PDIA4: variants seen among roughly 807,000 people sequenced by gnomAD.
The protein encoded by PDIA4 is protein disulfide isomerase family A member 4.
PDIA4 carries 33 observed loss-of-function variants against 62.1 expected under a neutral mutation model. That is an observed-to-expected ratio of 0.53 (90% CI 0.40 to 0.71). PDIA4 has a LOEUF of 0.71. Among genes scored for constraint, PDIA4 ranks in the 30% least tolerant of loss-of-function variants. The pLI is 0.00. For synonymous variants in PDIA4, 341 were observed against 324.1 expected, an observed-to-expected ratio of 1.05 and a Z score of -0.56; for missense variants, 804 against 813.6, an observed-to-expected ratio of 0.99 and a Z score of 0.14.
At chr7:149,006,302 G>T (rs1409996829) in intron 7 of PDIA4, 3 of 438,124 alleles carry the variant, frequency 6.8e-6, no homozygotes, top group African/African-American at 4.2e-5. Flanking sequence ...CCTTTCCTTG[G>T]GGGTGTAGGC....
Position 149,022,922 on chromosome 7 carries a change from C to A in PDIA4, c.89-1775G>T, listed in dbSNP as rs533658913. The stretch of plus-strand genomic sequence containing the variant: ...CTAGTCACCCGCACTCAGTCCTCTT[C>A]CTTTTAAACATCCCACAGCTTTTCC... On this transcript the variant is annotated intron_variant, in intron 1 of 9. Coordinates refer to ENST00000652332, the MANE Select transcript of PDIA4 (RefSeq NM_004911.5). Among the ~76,000 whole-genome samples, 8 of 152,336 alleles carry A rather than the reference C, an allele frequency of 5.3e-5. No individual in the cohort carries two copies. The South Asian group carries it at 1.7e-3, about 32-fold the overall frequency.
Position 149,019,150 on chromosome 7 carries a change from T to C in PDIA4, c.317A>G (p.Asn106Ser), listed in dbSNP as rs1824253652. The change falls in exon 3 of 10, where the codon AAC becomes AGC. Residue 106 changes from asparagine to serine, a missense_variant. Transcript: ENST00000652332. ...QFAPEYEKIA[N>S]ILKDKDPPIP... ...GGGAGGATCTTTATCCTTTAATATGTTGGCAATTTTTTCATATTCCGGAGC... is the reference window on the plus strand; with the variant it reads ...GGGAGGATCTTTATCCTTTAATATGCTGGCAATTTTTTCATATTCCGGAGC... 3 of 1,614,010 alleles carry C rather than the reference T, an allele frequency of 1.9e-6. No individual in the cohort carries two copies. The highest frequency in any genetic ancestry group is 3.3e-5 in the Admixed American group (2 of 60,010).
At chr7:149,025,344 C>G (rs1322658415) in intron 1 of PDIA4, among the ~76,000 whole-genome samples, 1 of 152,152 alleles carries the variant, frequency 6.6e-6, no homozygotes, top group Admixed American at 6.5e-5. Context: ...TGTCCTCACT[C>G]TCCGTCCTCA....
In PDIA4 at chr7:149,015,125, G is replaced by T. The variant is rs1824083276; in HGVS notation, c.476-83C>A. 6 of 1,419,194 alleles carry T rather than the reference G, an allele frequency of 4.2e-6. No homozygotes were observed. The East Asian group carries it at 1.4e-4, about 33-fold the overall frequency. 87.9% of individuals were successfully genotyped at this position (1,419,194 alleles called of 1,614,324 possible). Reference sequence around the variant, plus strand: ...TCCCTCCAGAAGCAGATGAGGAGGGGGAAGAAAGCAAGTGTCGGGGCCCAC... The same window carrying T: ...TCCCTCCAGAAGCAGATGAGGAGGGTGAAGAAAGCAAGTGTCGGGGCCCAC... On this transcript the variant is annotated intron_variant, in intron 3 of 9. Coordinates refer to ENST00000652332, the MANE Select transcript of PDIA4 (RefSeq NM_004911.5).
intron 4 of PDIA4, 108 bp from the exon 5 acceptor site, chr7:149,012,468 C>T (rs1029771703): frequency 2.2e-6 from 2 of 902,696 alleles, no homozygotes; most frequent in Admixed American, 2.2e-5. Flanking sequence ...CCTGGCCACA[C>T]CCAGTAAGCC....
At chr7:149,026,745 G>A (rs2129506051) in intron 1 of PDIA4, among the ~76,000 whole-genome samples, 1 of 148,380 alleles carries the variant, frequency 6.7e-6, no homozygotes, top group East Asian at 2.1e-4. Context: ...GCTTAAGTAA[G>A]CCATGATCAG....
At chr7:149,008,987 G>A (rs553048559) in intron 6 of PDIA4, among the ~76,000 whole-genome samples, 2 of 152,188 alleles carry the variant, frequency 1.3e-5, no homozygotes, top group African/African-American at 4.8e-5. Context: ...GTGAAGTGGC[G>A]TGATTTCGGC....
chr7:149,006,263 G>A lies in PDIA4; in HGVS notation c.1132-210C>T, dbSNP rs1293263916. 30 of 508,100 alleles carry A rather than the reference G, an allele frequency of 5.9e-5. No homozygotes were observed. In the East Asian group the frequency reaches 1.1e-3, roughly 19 times the overall value. The allele number at this position is 508,100 out of a possible 1,614,324, so 31.5% of individuals were successfully genotyped here. A position where few individuals can be genotyped will look rare whatever the true frequency, so the allele number is the denominator to read the frequency against. Reference sequence around the variant, plus strand: ...CTTTCCCTCCAGTGAACCGTAGGTGGCTTCTTGGGAAAAGGCAAACACCTT... The same window carrying A: ...CTTTCCCTCCAGTGAACCGTAGGTGACTTCTTGGGAAAAGGCAAACACCTT... On this transcript the variant is annotated intron_variant, in intron 7 of 9. Coordinates refer to ENST00000652332, the MANE Select transcript of PDIA4 (RefSeq NM_004911.5).
intron 1 of PDIA4, among the ~76,000 whole-genome samples, chr7:149,024,434 C>T (rs1247740174): frequency 6.6e-6 from 1 of 152,116 alleles, no homozygotes; most frequent in East Asian, 1.9e-4. Context: ...ACCCACACAT[C>T]CCTGCAAGCA....
rs1458059202 is a variant in PDIA4, at chr7:149,014,874, G to A, written c.614+30C>T. On this transcript the variant is annotated intron_variant, in intron 4 of 9. Coordinates refer to ENST00000652332, the MANE Select transcript of PDIA4 (RefSeq NM_004911.5). Reference sequence around the variant, plus strand: ...CGCACCTAGTGCCCACCAGGGTACTGAATATGGAAAGGGCCTGACACCACC... The same window carrying A: ...CGCACCTAGTGCCCACCAGGGTACTAAATATGGAAAGGGCCTGACACCACC... 1.9e-6 allele frequency: 3 copies of A among 1,611,310 alleles called. No homozygotes were observed. In the East Asian group the frequency reaches 6.7e-5, roughly 36 times the overall value.
At position 149,003,788 on chromosome 7, in the gene PDIA4, A is replaced by G. The variant is rs1823631656; in HGVS notation, c.*6T>C. 11 of 1,528,400 alleles carry G rather than the reference A, an allele frequency of 7.2e-6. No individual in the cohort carries two copies. In the East Asian group the frequency reaches 2.5e-4, roughly 35 times the overall value. 94.7% of individuals were successfully genotyped at this position (1,528,400 alleles called of 1,614,324 possible). ...CCTCCTCCCACCTTCCGCAGACCTC[A>G]GGCCTTCAAAGCTCTTCCTTGGTCC... On this transcript the variant is annotated 3_prime_UTR_variant, in exon 10 of 10. Transcript: ENST00000652332.
rs779279777 is a variant in PDIA4, at chr7:149,011,984, C to G, written c.841G>C (p.Glu281Gln). 1 of 1,596,804 alleles carries G rather than the reference C, an allele frequency of 6.3e-7. No homozygotes were observed. The highest frequency in any genetic ancestry group is 1.3e-5 in the African/African-American group (1 of 74,410). The change falls in exon 6 of 10, where the codon GAG becomes CAG. Residue 281 changes from glutamate (E) to glutamine (Q), a missense_variant. Transcript: ENST00000652332. ...EKYGIVDYMI[E>Q]QSGPPSKEIL... is the part of the protein sequence containing the mutation. Reference sequence around the variant, plus strand: ...TCCTTGGAGGGAGGCCCGGACTGCTCGATCATGTAATCAACGATTCCTGGG... The same window carrying G: ...TCCTTGGAGGGAGGCCCGGACTGCTGGATCATGTAATCAACGATTCCTGGG...
rs1222194105 is a variant in PDIA4, at chr7:149,028,326, T to A, written c.83A>T (p.Asp28Val). 6.6e-7 allele frequency: 1 copy of A among 1,521,410 alleles called. No individual in the cohort carries two copies. Among genetic ancestry groups the A allele is most frequent in the Non-Finnish European group, 8.8e-7 (1 of 1,138,036 alleles). 94.2% of individuals were successfully genotyped at this position (1,521,410 alleles called of 1,614,324 possible). Residue 28 changes from aspartate (D) to valine (V), a missense_variant, in exon 1 of 10, where the codon GAC becomes GTC. Asp to Val is a radical substitution (Grantham distance 152, BLOSUM62 -3). Transcript: ENST00000652332. ...LLAVAGAEGPDEDSSNRENAI... is the reference protein window; with the variant it reads ...LLAVAGAEGPVEDSSNRENAI... Reference sequence around the variant, plus strand: ...GCGGCGCGCTTGCCGCTCACCCTCGTCCGGGCCCTCGGCACCCGCCACGGC... The same window carrying A: ...GCGGCGCGCTTGCCGCTCACCCTCGACCGGGCCCTCGGCACCCGCCACGGC...
intron 7 of PDIA4, chr7:149,006,341 G>A: frequency 3.0e-6 from 1 of 336,126 alleles, no homozygotes; most frequent in Non-Finnish European, 5.4e-6. Flanking sequence ...GACCACTCAA[G>A]GTAGGCCTGG....
intron 3 of PDIA4, 142 bp from the exon 4 acceptor site, chr7:149,015,184 G>A: frequency 1.3e-6 from 1 of 788,956 alleles, no homozygotes; most frequent in Non-Finnish European, 2.0e-6. Flanking sequence ...CTGAAACCTG[G>A]CTGCATCTCT....
At chr7:149,016,803 G>A (rs1313975377) in intron 3 of PDIA4, among the ~76,000 whole-genome samples, 2 of 152,146 alleles carry the variant, frequency 1.3e-5, no homozygotes, top group Admixed American at 1.3e-4. Context: ...GAACCACCGT[G>A]CCCAGCCTAC....
chr7:149,003,199 G>T lies in PDIA4; in HGVS notation c.*595C>A. 6.0e-6 allele frequency: 1 copy of T among 166,938 alleles called. No homozygotes were observed. 10.3% of individuals were successfully genotyped at this position (166,938 alleles called of 1,614,324 possible). ...TCTCAAGAGGTGGGGCTGCCACGTG[G>T]GTGGCCTCTCCCTGGAGCTGAGCCC... is the stretch of plus-strand genomic sequence containing the variant. On this transcript the variant is annotated 3_prime_UTR_variant, in exon 10 of 10. Coordinates refer to ENST00000652332, the MANE Select transcript of PDIA4 (RefSeq NM_004911.5).
intron 9 of PDIA4, among the ~76,000 whole-genome samples, 195 bp from the exon 10 acceptor site, chr7:149,004,404 G>A (rs974091983): frequency 6.6e-6 from 1 of 152,228 alleles, no homozygotes. Context: ...GAGGTTGCAG[G>A]TGGCTCCAGC....
rs752665655 is a variant in PDIA4, at chr7:149,019,213, G to A, written c.270-16C>T. On this transcript the variant is annotated splice_polypyrimidine_tract_variant and intron_variant, in intron 2 of 9. Transcript: ENST00000652332. ...ATGTCCACACCTAACAATTAGATTAGGAAGGGCAAAAAACGTTAACTGTAC... is the reference window on the plus strand; with the variant it reads ...ATGTCCACACCTAACAATTAGATTAAGAAGGGCAAAAAACGTTAACTGTAC... 1.3e-5 allele frequency: 20 copies of A among 1,582,718 alleles called. No homozygotes were observed. Among genetic ancestry groups the A allele is most frequent in the Non-Finnish European group, 1.6e-5 (18 of 1,152,278 alleles).
Sources: gnomAD v4.1 joint callset for allele counts (sites outside exome capture counted in the v4.1 genomes callset) on GRCh38, gnomAD v4.1.1 for gene constraint, MANE v1.5 for transcripts, NCBI Gene and HGNC (gene_info 2026-07-23, HGNC 2026-07-21) for gene names.